NKAIN3: variants seen among roughly 807,000 people sequenced by gnomAD.
NKAIN3 encodes sodium/potassium-transporting ATPase subunit beta-1-interacting protein 3.
In NKAIN3, 25 loss-of-function variants were observed where a neutral mutation model predicts 30.2. The observed-to-expected ratio is 0.83, with a 90% CI of 0.60 to 1.16. The LOEUF (loss-of-function observed/expected upper bound fraction) is 1.16. Ranked by LOEUF, NKAIN3 falls within the 50% of genes most tolerant of loss-of-function variation. The probability of loss-of-function intolerance (pLI) is 0.00; values close to 1 mark genes in which losing one functional copy is unlikely to be tolerated. For synonymous variants in NKAIN3, 91 were observed against 89.6 expected (o/e 1.02, Z -0.09); for missense variants, 225 against 254.1 (o/e 0.89, Z 0.78).
At chr8:62,962,189 TAGAA>T (rs1823588122) in intron 6 of NKAIN3, among the ~76,000 whole-genome samples, 1 of 152,026 alleles carries the variant, frequency 6.6e-6, no homozygotes, top group Non-Finnish European at 1.5e-5. Flanking sequence ...GGGGTAGAAA[TAGAA>T]AGAAAAAAGA....
chr8:62,379,229 G>T (rs1054089251), intron 1 of NKAIN3, among the ~76,000 whole-genome samples: 1 of 152,140 alleles, frequency 6.6e-6, no homozygotes, highest in African/African-American at 2.4e-5. Context: ...CCTGTACCCC[G>T]ATTGTATCTA....
chr8:62,883,290 T>A (rs570483818), intron 4 of NKAIN3, among the ~76,000 whole-genome samples: 2 of 152,112 alleles, frequency 1.3e-5, no homozygotes, highest in Non-Finnish European at 2.9e-5. Context: ...GTTAGATTTA[T>A]ACCTAAGTAT....
At chr8:62,728,818 G>C (rs1334137161) in intron 3 of NKAIN3, among the ~76,000 whole-genome samples, 1 of 150,260 alleles carries the variant, frequency 6.7e-6, no homozygotes, top group Non-Finnish European at 1.5e-5. Context: ...GCAAAACCCC[G>C]TTTTTACTAA....
intron 1 of NKAIN3, among the ~76,000 whole-genome samples, chr8:62,269,460 A>G (rs546297673): frequency 1.2e-4 from 18 of 152,150 alleles, no homozygotes; most frequent in Non-Finnish European, 2.2e-4. Context: ...GGAGTCGCCC[A>G]TTATTTTTTT....
At chr8:62,279,410 T>G (rs866936885) in intron 1 of NKAIN3, among the ~76,000 whole-genome samples, 1 of 152,138 alleles carries the variant, frequency 6.6e-6, no homozygotes, top group African/African-American at 2.4e-5. Context: ...GATTTTTGTT[T>G]CCATTGCTTT....
intron 3 of NKAIN3, among the ~76,000 whole-genome samples, chr8:62,675,289 G>T (rs1044336939): frequency 2.6e-5 from 4 of 152,126 alleles, no homozygotes; most frequent in Admixed American, 6.5e-5. Flanking sequence ...AAATATCACT[G>T]ATTTATGCTC....
chr8:62,350,179 G>A (rs182492484), intron 1 of NKAIN3, among the ~76,000 whole-genome samples: 1 of 152,262 alleles, frequency 6.6e-6, no homozygotes, highest in East Asian at 1.9e-4. Flanking sequence ...GTGCATAGCA[G>A]CATTATTCAC....
At chr8:62,475,397 G>A in intron 1 of NKAIN3, among the ~76,000 whole-genome samples, 1 of 152,142 alleles carries the variant, frequency 6.6e-6, no homozygotes, top group Non-Finnish European at 1.5e-5. Flanking sequence ...GCCCTTCTGT[G>A]AGACTTGGCT....
At chr8:62,715,539 T>C (rs569960569) in intron 3 of NKAIN3, among the ~76,000 whole-genome samples, 2 of 152,344 alleles carry the variant, frequency 1.3e-5, no homozygotes, top group Admixed American at 1.3e-4. Flanking sequence ...AGTACCTCAG[T>C]TTCCTCATCT....
chr8:62,502,291 A>G (rs372266580), intron 1 of NKAIN3, among the ~76,000 whole-genome samples: 327 of 152,240 alleles, frequency 2.1e-3, no homozygotes, highest in African/African-American at 7.5e-3. Context: ...GTCATGAAGA[A>G]TAGACTTCAC....
chr8:62,401,654 C>T (rs138302056), intron 1 of NKAIN3, among the ~76,000 whole-genome samples: 9 of 152,306 alleles, frequency 5.9e-5, no homozygotes, highest in East Asian at 3.9e-4. Flanking sequence ...AGGAACCCCA[C>T]GCCCAGTAAC....
At position 62,973,615 on chromosome 8, in the gene NKAIN3, G is replaced by T. The variant is rs374557352; in HGVS notation, c.*8208G>T. Among the ~76,000 whole-genome samples the T allele has an allele frequency of 3.3e-5, 5 of 151,842 alleles. No homozygotes were observed. In the East Asian group the frequency reaches 5.8e-4, roughly 18 times the overall value. On this transcript the variant is annotated 3_prime_UTR_variant, in exon 7 of 7. Coordinates refer to ENST00000623646, the MANE Select transcript of NKAIN3 (RefSeq NM_001304533.3). ...AAAATTTTCTCCCATTCTGTAGGTT[G>T]CCTGTTCACTCTGATAATAGTTTCT...
intron 4 of NKAIN3, among the ~76,000 whole-genome samples, chr8:62,882,389 GC>G (rs1414464307): frequency 6.6e-6 from 1 of 152,120 alleles, no homozygotes; most frequent in African/African-American, 2.4e-5. Flanking sequence ...CGCGATCTCT[GC>G]TCAATGCAAC....
intron 1 of NKAIN3, among the ~76,000 whole-genome samples, chr8:62,442,862 G>C (rs1805369960): frequency 6.6e-6 from 1 of 151,630 alleles, no homozygotes; most frequent in South Asian, 2.1e-4. Flanking sequence ...AAGTGTTTTA[G>C]GATACAAATA....
At chr8:62,679,879 A>C (rs966256599) in intron 3 of NKAIN3, among the ~76,000 whole-genome samples, 1 of 152,188 alleles carries the variant, frequency 6.6e-6, no homozygotes, top group African/African-American at 2.4e-5. Flanking sequence ...GATTCAAGCA[A>C]TATCACATGG....
intron 1 of NKAIN3, among the ~76,000 whole-genome samples, chr8:62,435,778 ATTATT>A (rs2129597869): frequency 6.6e-6 from 1 of 152,308 alleles, no homozygotes; most frequent in East Asian, 1.9e-4. Flanking sequence ...TTTGATGTAC[ATTATT>A]TTAGTTTGTT....
At chr8:62,849,956 T>C (rs939272946) in intron 4 of NKAIN3, among the ~76,000 whole-genome samples, 1 of 152,104 alleles carries the variant, frequency 6.6e-6, no homozygotes, top group African/African-American at 2.4e-5. Flanking sequence ...TTATAATCCT[T>C]TGGGTATATA....
At chr8:62,532,520 A>T (rs1163329731) in intron 1 of NKAIN3, among the ~76,000 whole-genome samples, 1 of 152,154 alleles carries the variant, frequency 6.6e-6, no homozygotes, top group Non-Finnish European at 1.5e-5. Context: ...TCTCTTTAAG[A>T]ATTGATGTCC....
intron 1 of NKAIN3, among the ~76,000 whole-genome samples, chr8:62,306,960 C>T (rs954196244): frequency 2.7e-5 from 4 of 150,080 alleles, no homozygotes; most frequent in Non-Finnish European, 5.9e-5. Context: ...TTTTATTTCT[C>T]AGTATACATT....
Sources: gnomAD v4.1 joint callset for allele counts (sites outside exome capture counted in the v4.1 genomes callset) on GRCh38, gnomAD v4.1.1 for gene constraint, MANE v1.5 for transcripts, NCBI Gene and HGNC (gene_info 2026-07-23, HGNC 2026-07-21) for gene names.